The following TENM3 variants were observed in gnomAD, a reference collection of about 807,000 sequenced individuals.
TENM3 encodes the protein teneurin transmembrane protein 3.
Under a neutral mutation model 255.1 loss-of-function variants are expected in TENM3, and 63 were observed. That is an observed-to-expected ratio of 0.25 (90% CI 0.20 to 0.30). TENM3 has a LOEUF of 0.30. Ranked by LOEUF, TENM3 falls within the 10% of genes least tolerant of loss-of-function variation. The pLI, the probability that TENM3 is intolerant of heterozygous loss-of-function variation, is 1.00. For missense variants in TENM3, 2,929 were observed against 3,461.1 expected (o/e 0.85, Z 3.86); for synonymous variants, 1,306 against 1,322.3 (o/e 0.99, Z 0.27).
At chr4:182,007,607 C>T in the TENM3 span, among the ~76,000 whole-genome samples, 3 of 152,060 alleles carry the variant, frequency 2.0e-5, no homozygotes, top group Admixed American at 6.5e-5. Flanking sequence ...TATGTTGAGC[C>T]TATGTGTGTC....
rs940141367 is a variant in TENM3, at chr4:182,388,838, C to T, written c.511+41909C>T. 3.9e-5 allele frequency among the ~76,000 whole-genome samples: 6 copies of T among 152,178 alleles called. No individual in the cohort carries two copies. In the South Asian group the frequency reaches 6.2e-4, roughly 16 times the overall value. On this transcript the variant is annotated intron_variant, in intron 3 of 27. Transcript: ENST00000511685. ...ACACCAGAATCATTTTGAAAATGTTCGCAATCTATGACCAAAAGTTGTTGG... is the reference window on the plus strand; with the variant it reads ...ACACCAGAATCATTTTGAAAATGTTTGCAATCTATGACCAAAAGTTGTTGG...
chr4:182,763,835 G>A (rs1561217477), intron 22 of TENM3, among the ~76,000 whole-genome samples: 1 of 152,158 alleles, frequency 6.6e-6, no homozygotes, highest in African/African-American at 2.4e-5. Context: ...TTATGCAGTG[G>A]TTATTTATAA....
intron 12 of TENM3, among the ~76,000 whole-genome samples, chr4:182,705,180 T>C (rs940402289): frequency 2.0e-5 from 3 of 152,214 alleles, no homozygotes; most frequent in Non-Finnish European, 2.9e-5. Flanking sequence ...ATTTGTAGAC[T>C]GTAGCTTTTC....
rs567674152 is a variant in TENM3 at position 182,184,007 on chromosome 4, G to A, written c.-76+39253G>A. Among the ~76,000 whole-genome samples, 60 of 152,236 alleles carry A rather than the reference G, an allele frequency of 3.9e-4. 1 individual carries two copies. The highest frequency in any genetic ancestry group is 3.4e-3 in the Middle Eastern group (1 of 294). On this transcript the variant is annotated intron_variant, in intron 1 of 2. Coordinates refer to the TENM3 transcript ENST00000512480. ...TTTCATCTTGATATAGAAAGTGGTA[G>A]GTCTGTTTTATTATTCCAAAAGAAG...
the TENM3 span, among the ~76,000 whole-genome samples, chr4:181,557,675 T>A: frequency 7.1e-6 from 1 of 140,938 alleles, no homozygotes; most frequent in Non-Finnish European, 1.5e-5. Context: ...TACCGGTGCC[T>A]GCCACCACCC....
chr4:182,110,932 T>C, the TENM3 span, among the ~76,000 whole-genome samples: 1 of 152,218 alleles, frequency 6.6e-6, no homozygotes, highest in Non-Finnish European at 1.5e-5. Flanking sequence ...TAGACTATGA[T>C]GTTGTGAAAA....
chr4:181,656,559 G>C, the TENM3 span, among the ~76,000 whole-genome samples: 2 of 152,106 alleles, frequency 1.3e-5, no homozygotes, highest in African/African-American at 4.8e-5. Flanking sequence ...AGAGCAGCGG[G>C]GAGGGTCTGA....
At chr4:182,672,097 A>T (rs1359974468) in intron 6 of TENM3, among the ~76,000 whole-genome samples, 1 of 152,180 alleles carries the variant, frequency 6.6e-6, no homozygotes, top group African/African-American at 2.4e-5. Flanking sequence ...ACTCACGGCA[A>T]ATTGCAGAAA....
chr4:181,572,289 G>T, the TENM3 span, among the ~76,000 whole-genome samples: 1,664 of 152,236 alleles, frequency 0.011, 12 homozygotes, highest in South Asian at 0.056. Context: ...TCCTACAGGG[G>T]CTCAGGGAGA....
chr4:181,525,097 T>G, the TENM3 span, among the ~76,000 whole-genome samples: 1 of 152,000 alleles, frequency 6.6e-6, no homozygotes, highest in Non-Finnish European at 1.5e-5. Flanking sequence ...GTTTGACAGG[T>G]CAGTGCTAAT....
chr4:182,442,855 C>T (rs201001577), intron 3 of TENM3, among the ~76,000 whole-genome samples: 73,426 of 147,586 alleles, frequency 0.5, 18,407 homozygotes, highest in East Asian at 0.69. Context: ...TATACACACA[C>T]ACACACACAC....
chr4:182,148,764 T>C (rs77486760), intron 1 of TENM3, among the ~76,000 whole-genome samples: 2,475 of 152,124 alleles, frequency 0.016, 24 homozygotes, highest in Middle Eastern at 0.031. Flanking sequence ...TCATCCCCAC[T>C]GTGATATTTG....
chr4:182,569,431 G>A (rs1299866403), intron 3 of TENM3, among the ~76,000 whole-genome samples: 5 of 152,038 alleles, frequency 3.3e-5, no homozygotes, highest in Admixed American at 3.3e-4. Context: ...ACATGTGCCT[G>A]TAATCCCAGC....
chr4:182,273,809 T>G (rs1759812501), intron 1 of TENM3, among the ~76,000 whole-genome samples: 1 of 152,212 alleles, frequency 6.6e-6, no homozygotes, highest in Admixed American at 6.5e-5. Flanking sequence ...TTGAGAAGTG[T>G]GAAGGAATGC....
chr4:182,350,532 C>A (rs866967843), intron 3 of TENM3, among the ~76,000 whole-genome samples: 1 of 152,140 alleles, frequency 6.6e-6, no homozygotes, highest in Non-Finnish European at 1.5e-5. Context: ...TCTGGAGAGA[C>A]GGTGATTTGG....
the TENM3 span, among the ~76,000 whole-genome samples, chr4:181,995,635 T>G: frequency 6.6e-6 from 1 of 152,122 alleles, no homozygotes; most frequent in Non-Finnish European, 1.5e-5. Flanking sequence ...TCAAAAACAA[T>G]CATCTGTATT....
the TENM3 span, among the ~76,000 whole-genome samples, chr4:181,778,807 G>A: frequency 1.3e-5 from 2 of 152,086 alleles, no homozygotes; most frequent in Non-Finnish European, 2.9e-5. Flanking sequence ...TTTCTTGTTT[G>A]TCCAAGAGTT....
At chr4:182,534,636 A>G (rs949042850) in intron 3 of TENM3, among the ~76,000 whole-genome samples, 2 of 152,184 alleles carry the variant, frequency 1.3e-5, no homozygotes, top group Admixed American at 6.5e-5. Context: ...CCTGTTTTAT[A>G]TATAAGAGCT....
the TENM3 span, among the ~76,000 whole-genome samples, chr4:181,563,299 G>A: frequency 6.6e-5 from 10 of 152,110 alleles, no homozygotes; most frequent in African/African-American, 2.4e-4. Context: ...GCTTGTAGAA[G>A]CCTCACTCTG....
Sources: allele counts gnomAD v4.1 joint callset (sites outside exome capture counted in the v4.1 genomes callset), GRCh38; gene constraint gnomAD v4.1.1; transcripts MANE v1.5; gene names NCBI Gene and HGNC (gene_info 2026-07-23, HGNC 2026-07-21).